The following AP3B2 variants were observed in gnomAD, a reference collection of about 807,000 sequenced individuals.
AP3B2 encodes the protein adaptor related protein complex 3 subunit beta 2, also known as AP-3 complex subunit beta-2.
AP3B2 carries 50 observed loss-of-function variants against 126.9 expected under a neutral mutation model. The observed-to-expected ratio is 0.39, with a 90% confidence interval of 0.31 to 0.50. The LOEUF (loss-of-function observed/expected upper bound fraction) is 0.50, where lower values mean the gene tolerates loss of function less well. Ranked by LOEUF, AP3B2 falls within the 20% of genes least tolerant of loss-of-function variation. The pLI is 0.79. For synonymous variants in AP3B2, 541 were observed against 565.0 expected, an observed-to-expected ratio of 0.96 and a Z score of 0.60; for missense variants, 1,177 against 1,426.4, an observed-to-expected ratio of 0.83 and a Z score of 2.82.
chr15:82,692,366 T>A, intron 1 of AP3B2: 1 of 517,734 alleles, frequency 1.9e-6, no homozygotes, highest in South Asian at 2.6e-5. Flanking sequence ...CATCGGCACC[T>A]CCCAACGCCC....
chr15:82,675,932 C>G (rs1268997119), intron 14 of AP3B2, among the ~76,000 whole-genome samples: 3 of 152,150 alleles, frequency 2.0e-5, no homozygotes, highest in African/African-American at 7.2e-5. Flanking sequence ...TCTGAACACC[C>G]TGATACTACA....
chr15:82,699,571 C>T (rs2151459120), intron 1 of AP3B2: 1 of 399,398 alleles, frequency 2.5e-6, no homozygotes, highest in East Asian at 3.6e-5. Flanking sequence ...GCTGAGAGTG[C>T]AACTGCCCAT....
In AP3B2 at chr15:82,662,833, G is replaced by A. The variant is rs753123252; in HGVS notation, c.2694C>T (p.Arg898=). The A allele has an allele frequency of 3.1e-6, 5 of 1,613,724 alleles. No homozygotes were observed. Among genetic ancestry groups the A allele is most frequent in the Non-Finnish European group, 4.2e-6 (5 of 1,179,798 alleles). Residue 898 remains arginine, a synonymous_variant, in exon 23 of 27, where the codon CGC becomes CGT. Transcript: ENST00000535359. ...TGTGGGGATCCCCGGAGAAAGGTTG[G>A]CGGCTGAAGGTGTAGTCCACAGCCA... ...EGLAVDYTFS[R]QPFSGDPHMV... is the part of the protein sequence containing the mutation.
intron 4 of AP3B2, chr15:82,688,278 T>C (rs1236239926): frequency 1.6e-5 from 10 of 620,818 alleles, no homozygotes; most frequent in South Asian, 3.8e-5. Context: ...ACCTAACATA[T>C]GTAAATCCAA....
chr15:82,694,598 T>G (rs922780291), intron 1 of AP3B2, among the ~76,000 whole-genome samples: 1 of 151,740 alleles, frequency 6.6e-6, no homozygotes, highest in Non-Finnish European at 1.5e-5. Context: ...AGTGGGAGGA[T>G]CGCTTGCACC....
At chr15:82,688,925 G>C (rs548023716) in intron 3 of AP3B2, 94 bp from the exon 4 acceptor site, 21 of 1,240,196 alleles carry the variant, frequency 1.7e-5, no homozygotes, top group Non-Finnish European at 2.3e-5. Context: ...AGCCAGCTGC[G>C]GTCCATGGGG....
chr15:82,708,920 A>T (rs769706954), intron 1 of AP3B2: 2 of 152,246 alleles, frequency 1.3e-5, no homozygotes, highest in Admixed American at 6.5e-5. Flanking sequence ...TCTCATGTTC[A>T]CAGTTGTATT....
Position 82,677,807 on chromosome 15 carries a change from T to C in AP3B2, c.1246-4A>G. ...TGTCCATGCTGCGAATATAGGTCTG[T>C]GGGATATGACAAAGAAATCCCTCAG... On this transcript the variant is annotated splice_polypyrimidine_tract_variant and splice_region_variant and intron_variant, in intron 11 of 26. Coordinates refer to ENST00000535359, the MANE Select transcript of AP3B2 (RefSeq NM_001278512.2). 11 of 1,591,334 alleles carry C rather than the reference T, an allele frequency of 6.9e-6. No homozygotes were observed. Among genetic ancestry groups the C allele is most frequent in the Non-Finnish European group, 9.4e-6 (11 of 1,167,138 alleles).
chr15:82,660,020 G>A (rs1478459249), intron 25 of AP3B2, 37 bp from the exon 26 acceptor site: 6 of 1,609,322 alleles, frequency 3.7e-6, no homozygotes, highest in Middle Eastern at 1.7e-4. Flanking sequence ...AGAGGCCATG[G>A]TGGGTACAGA....
rs758867606 is a variant in AP3B2, at chr15:82,680,215, A to G, written c.1070T>C (p.Val357Ala). The change falls in exon 9 of 27, where the codon GTT becomes GCT. Residue 357 changes from valine to alanine, a missense_variant. By Grantham distance (64) the Val-to-Ala change is moderately conservative (BLOSUM62 0). Coordinates refer to ENST00000535359, the MANE Select transcript of AP3B2 (RefSeq NM_001278512.2). This position sits in a 1 kb window ranked among gnomAD's most constrained non-coding sequence, Gnocchi z 6.1. Reference protein sequence around the residue: ...LLRSHSEVQYVVLQNVATMSI... With the variant: ...LLRSHSEVQYAVLQNVATMSI... ...CATGGTGGCCACGTTCTGGAGCACA[A>G]CGTACTGCACCTCACTGCGGAGAGG... 2.5e-6 allele frequency: 4 copies of G among 1,613,542 alleles called. No homozygotes were observed. The highest frequency in any genetic ancestry group is 3.4e-6 in the Non-Finnish European group (4 of 1,179,762).
At chr15:82,692,200 G>T (rs900803297) in intron 1 of AP3B2, 18 of 1,378,336 alleles carry the variant, frequency 1.3e-5, no homozygotes, top group Middle Eastern at 1.8e-4. Flanking sequence ...GCATCTCGGG[G>T]GTCCTCAAAG....
chr15:82,692,791 A>T (rs1460571588), intron 1 of AP3B2: 1 of 152,228 alleles, frequency 6.6e-6, no homozygotes, highest in Non-Finnish European at 1.5e-5. Flanking sequence ...ATTAAACTCT[A>T]GTGGGATGAA....
Position 82,676,446 on chromosome 15 carries a change from T to C in AP3B2, c.1665+15A>G. Reference sequence around the variant, plus strand: ...GGGGACCAGAGTATCTGGGGGGTCATCTCTTAATCTTTACCTGTTTAGAGT... The same window carrying C: ...GGGGACCAGAGTATCTGGGGGGTCACCTCTTAATCTTTACCTGTTTAGAGT... On this transcript the variant is annotated intron_variant, in intron 14 of 26. Coordinates refer to ENST00000535359, the MANE Select transcript of AP3B2 (RefSeq NM_001278512.2). 1.2e-6 allele frequency: 2 copies of C among 1,612,562 alleles called. No homozygotes were observed. The highest frequency in any genetic ancestry group is 1.3e-5 in the African/African-American group (1 of 75,012).
intron 14 of AP3B2, among the ~76,000 whole-genome samples, chr15:82,667,256 G>C (rs1163740267): frequency 6.6e-6 from 1 of 152,178 alleles, no homozygotes; most frequent in Non-Finnish European, 1.5e-5. Context: ...CTCCAGGCCT[G>C]TCCAGCCTCT....
In AP3B2 at chr15:82,663,896, CATCAGAGG is replaced by C; in HGVS notation, c.2333_2340del (p.Ser778Ter). On this transcript the variant is annotated frameshift_variant, in exon 20 of 27. Coordinates refer to ENST00000535359, the MANE Select transcript of AP3B2 (RefSeq NM_001278512.2). LOFTEE classifies it high-confidence loss of function. ...GAGCTACTGCTGGAATCGCTGCCCT[CATCAGAGG>C]ATGACGCTTCTCCTTTTCTCTCTGG... The C allele has an allele frequency of 6.2e-7, 1 of 1,613,602 alleles. No homozygotes were observed. The highest frequency in any genetic ancestry group is 8.5e-7 in the Non-Finnish European group (1 of 1,179,878).
chr15:82,666,760 C>G lies in AP3B2; in HGVS notation c.1839G>C (p.Glu613Asp), dbSNP rs1454463915. The change falls in exon 15 of 27, where the codon GAG becomes GAC. Residue 613 changes from glutamate (E) to aspartate (D), a missense_variant. Coordinates refer to ENST00000535359, the MANE Select transcript of AP3B2 (RefSeq NM_001278512.2). ...TTCAGCTCCCACCTTTGAAGGATGACTCCAAGACTGGAGCTGGTTTGGGTG... is the reference window on the plus strand; with the variant it reads ...TTCAGCTCCCACCTTTGAAGGATGAGTCCAAGACTGGAGCTGGTTTGGGTG... ...FLAPKPAPVLESSFKDRDHFQ... is the reference protein window; with the variant it reads ...FLAPKPAPVLDSSFKDRDHFQ... 1.9e-6 allele frequency: 3 copies of G among 1,613,858 alleles called. No individual in the cohort carries two copies. The African/African-American group carries it at 4.0e-5, about 22-fold the overall frequency.
chr15:82,684,271 T>G lies in AP3B2; in HGVS notation c.361-2691A>C, dbSNP rs2048390621. ...TGAACATAGTCACATCTATCAATGA[T>G]CTTAGCTAGATCTTCTGGACAACTT... On this transcript the variant is annotated intron_variant, in intron 4 of 26. Transcript: ENST00000535359. Among the ~76,000 whole-genome samples the G allele has an allele frequency of 2.0e-5, 3 of 152,236 alleles. No homozygotes were observed. In the South Asian group the frequency reaches 6.2e-4, roughly 32 times the overall value.
chr15:82,670,701 A>G (rs1463254383), intron 14 of AP3B2, among the ~76,000 whole-genome samples: 1 of 152,204 alleles, frequency 6.6e-6, no homozygotes, highest in Non-Finnish European at 1.5e-5. Context: ...AAAGTAGACA[A>G]ATGGGATCAC....
At chr15:82,682,084 G>A (rs939642544) in intron 4 of AP3B2, among the ~76,000 whole-genome samples, 1 of 116,750 alleles carries the variant, frequency 8.6e-6, no homozygotes, top group South Asian at 2.7e-4. Context: ...ATGGAGTCTC[G>A]CTCTGTCGCC....
Sources: gnomAD v4.1 joint callset for allele counts (sites outside exome capture counted in the v4.1 genomes callset) on GRCh38, gnomAD v4.1.1 for gene constraint, Gnocchi (gnomAD v3.1) non-coding constraint, MANE v1.5 for transcripts, NCBI Gene and HGNC (gene_info 2026-07-23, HGNC 2026-07-21) for gene names.